ZDHHC14: variants seen among roughly 807,000 people sequenced by gnomAD.
The protein encoded by ZDHHC14 is zDHHC palmitoyltransferase 14, also known as palmitoyltransferase ZDHHC14.
A neutral mutation model predicts 47.7 loss-of-function variants in ZDHHC14; 16 were observed. The observed-to-expected ratio is 0.34, with a 90% CI of 0.23 to 0.51. ZDHHC14 has a LOEUF of 0.51. ZDHHC14 is among the 20% of genes least tolerant of loss of function. The pLI is 0.97. For synonymous variants in ZDHHC14, 293 were observed against 278.9 expected, an observed-to-expected ratio of 1.05 and a Z score of -0.50; for missense variants, 515 against 662.5, an observed-to-expected ratio of 0.78 and a Z score of 2.44.
At chr6:157,652,690 C>T (rs1019562595) in intron 7 of ZDHHC14, among the ~76,000 whole-genome samples, 1 of 152,194 alleles carries the variant, frequency 6.6e-6, no homozygotes, top group Non-Finnish European at 1.5e-5. Context: ...AAGAATTTTG[C>T]GCAGCACCCG....
intron 1 of ZDHHC14, among the ~76,000 whole-genome samples, chr6:157,418,556 G>C (rs1180130521): frequency 6.6e-6 from 1 of 152,126 alleles, no homozygotes; most frequent in Non-Finnish European, 1.5e-5. Flanking sequence ...AAAAATGATA[G>C]GTTTAATAAA....
At position 157,502,966 on chromosome 6, in the gene ZDHHC14, C is replaced by T. The variant is rs1294472753; in HGVS notation, c.246-39619C>T. On this transcript the variant is annotated intron_variant, in intron 1 of 8. Transcript: ENST00000359775. The surrounding 1 kb of genome is among the most constrained non-coding windows in gnomAD (Gnocchi z 4.0). ...TTGGCTTCCCAAAGTATTGGAATTACAGGCATGAGCCACCGCACCCGGCTG... is the reference window on the plus strand; with the variant it reads ...TTGGCTTCCCAAAGTATTGGAATTATAGGCATGAGCCACCGCACCCGGCTG... 1.3e-5 allele frequency among the ~76,000 whole-genome samples: 2 copies of T among 152,222 alleles called. No individual in the cohort carries two copies. The highest frequency in any genetic ancestry group is 2.4e-5 in the African/African-American group (1 of 41,454).
rs113666225 is a variant in ZDHHC14 at position 157,626,562 on chromosome 6, A to G, written c.566-1787A>G. 1.7e-3 allele frequency among the ~76,000 whole-genome samples: 254 copies of G among 152,290 alleles called. 1 individual carries two copies. The highest frequency in any genetic ancestry group is 6.0e-3 in the African/African-American group (249 of 41,570). ...CACAGCAAAATTGAGAGGCAGGTCC[A>G]GAGAGTTCCCATCTCCCCCTCCCCT... On this transcript the variant is annotated intron_variant, in intron 3 of 8. Transcript: ENST00000359775.
intron 1 of ZDHHC14, among the ~76,000 whole-genome samples, chr6:157,488,312 C>T (rs1779831142): frequency 6.6e-6 from 1 of 152,170 alleles, no homozygotes; most frequent in South Asian, 2.1e-4. Flanking sequence ...GCAGGGAGCC[C>T]ACGGAGCCGG....
intron 1 of ZDHHC14, among the ~76,000 whole-genome samples, chr6:157,539,961 A>G (rs1301333286): frequency 2.0e-5 from 3 of 152,222 alleles, no homozygotes; most frequent in African/African-American, 7.2e-5. Flanking sequence ...CCTGCCTGAG[A>G]TTTCCTGCGG....
At chr6:157,515,533 C>T (rs1157260832) in intron 1 of ZDHHC14, among the ~76,000 whole-genome samples, 2 of 150,484 alleles carry the variant, frequency 1.3e-5, no homozygotes, top group Admixed American at 6.6e-5. Flanking sequence ...GCGCTATCTC[C>T]GCTCACTGCA....
chr6:157,381,959 G>T lies in ZDHHC14; in HGVS notation c.-63G>T. On this transcript the variant is annotated 5_prime_UTR_variant, in exon 1 of 9. Transcript: ENST00000359775. ...GGGCGGCCGGCGGCGGTCGTGGCTCGGCGGGGCCCGCGCGGCCGGGGGGCT... is the reference window on the plus strand; with the variant it reads ...GGGCGGCCGGCGGCGGTCGTGGCTCTGCGGGGCCCGCGCGGCCGGGGGGCT... 1 of 1,015,004 alleles carries T rather than the reference G, an allele frequency of 9.9e-7. No individual in the cohort carries two copies. Among genetic ancestry groups the T allele is most frequent in the Non-Finnish European group, 1.2e-6 (1 of 849,524 alleles). The allele number at this position is 1,015,004 out of a possible 1,614,324, so 62.9% of individuals were successfully genotyped here. A position where few individuals can be genotyped will look rare whatever the true frequency, so the allele number is the denominator to read the frequency against.
chr6:157,477,247 G>C (rs142511111), intron 1 of ZDHHC14, among the ~76,000 whole-genome samples: 1 of 152,170 alleles, frequency 6.6e-6, no homozygotes, highest in Non-Finnish European at 1.5e-5. Flanking sequence ...GGGCGTGGTG[G>C]TGTGCACCTG....
chr6:157,441,638 A>C (rs1455914051), intron 1 of ZDHHC14, among the ~76,000 whole-genome samples: 1 of 152,214 alleles, frequency 6.6e-6, no homozygotes, highest in Non-Finnish European at 1.5e-5. Context: ...CAGGAGTTTG[A>C]GACCAGCTTG....
At chr6:157,481,100 A>G (rs1447297990) in intron 1 of ZDHHC14, among the ~76,000 whole-genome samples, 2 of 152,200 alleles carry the variant, frequency 1.3e-5, no homozygotes, top group African/African-American at 4.8e-5. Context: ...CAAATCATCT[A>G]TAACATTATC....
At chr6:157,488,723 G>T (rs1779839382) in intron 1 of ZDHHC14, among the ~76,000 whole-genome samples, 1 of 152,178 alleles carries the variant, frequency 6.6e-6, no homozygotes. Flanking sequence ...CTTTAGGCAG[G>T]TTAGAGCACT....
chr6:157,564,760 A>G (rs995936178), intron 2 of ZDHHC14, among the ~76,000 whole-genome samples: 1 of 152,146 alleles, frequency 6.6e-6, no homozygotes, highest in Non-Finnish European at 1.5e-5. Flanking sequence ...CAAAATCAAT[A>G]CTGCCAATCT....
At chr6:157,525,860 C>A (rs1388202826) in intron 1 of ZDHHC14, among the ~76,000 whole-genome samples, 3 of 152,244 alleles carry the variant, frequency 2.0e-5, no homozygotes, top group Non-Finnish European at 4.4e-5. Flanking sequence ...TGGCTTCCAG[C>A]TGCTTCCACC....
At chr6:157,521,597 T>C (rs941369066) in intron 1 of ZDHHC14, among the ~76,000 whole-genome samples, 7 of 152,234 alleles carry the variant, frequency 4.6e-5, no homozygotes. Context: ...TTGGGGCCTC[T>C]TTTACAAGGG....
chr6:157,437,046 T>C (rs34221989), intron 1 of ZDHHC14, among the ~76,000 whole-genome samples: 44,731 of 151,952 alleles, frequency 0.29, 7,468 homozygotes, highest in African/African-American at 0.43. Flanking sequence ...TGACTGTGCA[T>C]GTGACATGGT....
At chr6:157,602,836 C>T (rs184959765) in intron 3 of ZDHHC14, among the ~76,000 whole-genome samples, 2 of 152,342 alleles carry the variant, frequency 1.3e-5, no homozygotes, top group African/African-American at 2.4e-5. Flanking sequence ...CCAGCCCCTT[C>T]GTGCTAGCCT....
chr6:157,513,257 C>T (rs1036286990), intron 1 of ZDHHC14, among the ~76,000 whole-genome samples: 4 of 152,210 alleles, frequency 2.6e-5, no homozygotes, highest in African/African-American at 9.7e-5. Flanking sequence ...CATTCTCCTC[C>T]TCTTAGTGTC....
chr6:157,458,681 G>A lies in ZDHHC14; in HGVS notation c.245+76415G>A, dbSNP rs140397130. On this transcript the variant is annotated intron_variant, in intron 1 of 8. Transcript: ENST00000359775. The stretch of plus-strand genomic sequence containing the variant: ...GCATGGTCTGCAAACAATGAGTGGC[G>A]CATCTTGTGTAGATGTGAGTGCTAG... 2.2e-3 allele frequency among the ~76,000 whole-genome samples: 329 copies of A among 152,042 alleles called. 4 individuals carry two copies. The highest frequency in any genetic ancestry group is 7.0e-3 in the African/African-American group (290 of 41,472).
At position 157,556,898 on chromosome 6, in the gene ZDHHC14, G is replaced by A. The variant is rs113926170; in HGVS notation, c.406+14153G>A. The stretch of plus-strand genomic sequence containing the variant: ...GCCAGTGAGAGGTGGGGCTGATGAG[G>A]AGGAAGAGTTGCGGGCACTGAGGGG... On this transcript the variant is annotated intron_variant, in intron 2 of 8. Coordinates refer to ENST00000359775, the MANE Select transcript of ZDHHC14 (RefSeq NM_024630.3). Among the ~76,000 whole-genome samples the A allele has an allele frequency of 8.7e-3, 1,332 of 152,346 alleles. 19 individuals carry two copies. Among genetic ancestry groups the A allele is most frequent in the African/African-American group, 0.031 (1,275 of 41,582 alleles).
Sources: gnomAD v4.1 joint callset for allele counts (sites outside exome capture counted in the v4.1 genomes callset) on GRCh38, gnomAD v4.1.1 for gene constraint, Gnocchi (gnomAD v3.1) non-coding constraint, MANE v1.5 for transcripts, NCBI Gene and HGNC (gene_info 2026-07-23, HGNC 2026-07-21) for gene names.